SLC39A11: variants seen among roughly 807,000 people sequenced by gnomAD.
The protein encoded by SLC39A11 is zinc transporter ZIP11.
SLC39A11 carries 33 observed loss-of-function variants against 36.1 expected under a neutral mutation model. That is an observed-to-expected ratio of 0.91 (90% CI 0.69 to 1.22). The LOEUF (loss-of-function observed/expected upper bound fraction) is 1.22. Among genes scored for constraint, SLC39A11 ranks in the 50% most tolerant of loss-of-function variants. The pLI, the probability that SLC39A11 is intolerant of heterozygous loss-of-function variation, is 0.00. For missense variants in SLC39A11, 432 were observed against 430.3 expected (o/e 1.00, Z -0.03); for synonymous variants, 166 against 170.3 (o/e 0.97, Z 0.20).
At chr17:72,953,799 T>C (rs1420702939) in intron 4 of SLC39A11, among the ~76,000 whole-genome samples, 3 of 152,188 alleles carry the variant, frequency 2.0e-5, no homozygotes, top group Non-Finnish European at 4.4e-5. Context: ...TTCTGGCTCT[T>C]CCTCACTGGG....
chr17:72,868,635 A>G (rs1157955891), intron 5 of SLC39A11, among the ~76,000 whole-genome samples: 2 of 149,006 alleles, frequency 1.3e-5, no homozygotes, highest in African/African-American at 2.5e-5. Context: ...AAAAAAAAAA[A>G]AAAAAAAAAA....
Position 72,992,939 on chromosome 17 carries a change from G to A in SLC39A11, c.306+38617C>T, listed in dbSNP as rs2089274758. 2.0e-5 allele frequency: 3 copies of A among 152,320 alleles called. No individual in the cohort carries two copies. The South Asian group carries it at 6.2e-4, about 32-fold the overall frequency. The allele number at this position is 152,320 out of a possible 1,614,324, so 9.4% of individuals were successfully genotyped here. A position where few individuals can be genotyped will look rare whatever the true frequency, so the allele number is the denominator to read the frequency against. ...TCACAGTCATGGCAGAAAGCGAAAG[G>A]CACATCTTACATGCTGGCAGACAAG... is the stretch of plus-strand genomic sequence containing the variant. On this transcript the variant is annotated intron_variant, in intron 4 of 9. Coordinates refer to ENST00000255559, the MANE Select transcript of SLC39A11 (RefSeq NM_139177.4).
chr17:73,012,999 A>G (rs369713364), intron 4 of SLC39A11, among the ~76,000 whole-genome samples: 1 of 152,036 alleles, frequency 6.6e-6, no homozygotes, highest in Non-Finnish European at 1.5e-5. Flanking sequence ...GGATTTTACC[A>G]TGTTGGCCAG....
At chr17:72,831,542 T>C (rs1245797181) in intron 6 of SLC39A11, among the ~76,000 whole-genome samples, 2 of 152,186 alleles carry the variant, frequency 1.3e-5, no homozygotes, top group Non-Finnish European at 2.9e-5. Flanking sequence ...AATCACCTAC[T>C]TGGTGATTTT....
intron 6 of SLC39A11, among the ~76,000 whole-genome samples, chr17:72,759,615 AGCCACAT>A (rs1226133106): frequency 4.6e-5 from 7 of 152,238 alleles, no homozygotes; most frequent in Admixed American, 4.6e-4. Flanking sequence ...GGAGGAGATA[AGCCACAT>A]GTTTGGCCAT....
At chr17:72,767,883 G>A (rs893006162) in intron 6 of SLC39A11, among the ~76,000 whole-genome samples, 20 of 152,106 alleles carry the variant, frequency 1.3e-4, no homozygotes, top group African/African-American at 4.8e-4. Flanking sequence ...TAATAGACAC[G>A]AGGCTGGCCA....
intron 7 of SLC39A11, among the ~76,000 whole-genome samples, chr17:72,701,765 A>G (rs1260334167): frequency 1.3e-5 from 2 of 150,702 alleles, no homozygotes; most frequent in African/African-American, 4.9e-5. Flanking sequence ...GAAAGAAAGA[A>G]AGAGAAAGAA....
At chr17:72,982,785 T>C (rs2088425680) in intron 4 of SLC39A11, among the ~76,000 whole-genome samples, 1 of 152,152 alleles carries the variant, frequency 6.6e-6, no homozygotes, top group South Asian at 2.1e-4. Flanking sequence ...TGAACTTTCA[T>C]TAAAATTACA....
chr17:73,007,145 G>A (rs560915952), intron 4 of SLC39A11, among the ~76,000 whole-genome samples: 31 of 152,230 alleles, frequency 2.0e-4, no homozygotes, highest in African/African-American at 6.5e-4. Flanking sequence ...ACACAGGGCC[G>A]GGCGCAGTGG....
intron 6 of SLC39A11, among the ~76,000 whole-genome samples, chr17:72,745,894 T>C (rs1243334657): frequency 1.3e-5 from 2 of 152,178 alleles, no homozygotes; most frequent in South Asian, 2.1e-4. Context: ...ACACAGCCAC[T>C]ACCACCACCA....
At chr17:72,747,720 A>G (rs2074997911) in intron 6 of SLC39A11, among the ~76,000 whole-genome samples, 1 of 152,164 alleles carries the variant, frequency 6.6e-6, no homozygotes, top group African/African-American at 2.4e-5. Context: ...ATAACCCTGC[A>G]TGGCGTGTCT....
intron 3 of SLC39A11, among the ~76,000 whole-genome samples, chr17:73,072,986 C>A (rs2060209588): frequency 6.6e-6 from 1 of 152,182 alleles, no homozygotes; most frequent in Non-Finnish European, 1.5e-5. Context: ...TCAAGACCAG[C>A]CTGGCCAACA....
intron 4 of SLC39A11, among the ~76,000 whole-genome samples, chr17:72,991,682 C>T (rs1360303390): frequency 1.3e-5 from 2 of 152,144 alleles, no homozygotes; most frequent in African/African-American, 4.8e-5. Context: ...TTTTAAATGG[C>T]TACTTAGCCA....
At chr17:72,909,999 A>G (rs1202598306) in intron 5 of SLC39A11, among the ~76,000 whole-genome samples, 2 of 150,640 alleles carry the variant, frequency 1.3e-5, no homozygotes, top group East Asian at 3.9e-4. Flanking sequence ...TGATCCACCC[A>G]CCTCGGCCTC....
intron 6 of SLC39A11, among the ~76,000 whole-genome samples, chr17:72,824,343 C>A (rs1026919769): frequency 6.6e-6 from 1 of 151,316 alleles, no homozygotes; most frequent in African/African-American, 2.4e-5. Context: ...CCTGAGGCCT[C>A]CCCAGCCATG....
chr17:72,656,296 G>C lies in SLC39A11; in HGVS notation c.672-7028C>G, dbSNP rs1302182783. Among the ~76,000 whole-genome samples the C allele has an allele frequency of 1.3e-5, 2 of 152,162 alleles. 1 individual carries two copies. Among genetic ancestry groups the C allele is most frequent in the Admixed American group, 1.3e-4 (2 of 15,280 alleles). Reference sequence around the variant, plus strand: ...TAGTCTGGACCACGACACATTAATGGGAAGGAGAGGGAAGTGGAGATGAAG... The same window carrying C: ...TAGTCTGGACCACGACACATTAATGCGAAGGAGAGGGAAGTGGAGATGAAG... On this transcript the variant is annotated intron_variant, in intron 7 of 9. Transcript: ENST00000255559.
At chr17:72,744,046 A>C (rs140771134) in intron 6 of SLC39A11, among the ~76,000 whole-genome samples, 7 of 152,200 alleles carry the variant, frequency 4.6e-5, no homozygotes, top group African/African-American at 1.7e-4. Flanking sequence ...CCACCTCCCC[A>C]TTGCCCTTGC....
intron 6 of SLC39A11, among the ~76,000 whole-genome samples, chr17:72,820,227 A>T (rs2077720311): frequency 6.6e-6 from 1 of 151,242 alleles, no homozygotes; most frequent in African/African-American, 2.4e-5. Flanking sequence ...TGCCTGTGGG[A>T]AAATGATCTT....
In SLC39A11 at chr17:72,684,217, C is replaced by G. The variant is rs569472896; in HGVS notation, c.672-34949G>C. ...GGTTCCCGTAACCCACTCCCTTGCC[C>G]GGAGGCACCTGGGCTCACCATACCA... On this transcript the variant is annotated intron_variant, in intron 7 of 9. Coordinates refer to ENST00000255559, the MANE Select transcript of SLC39A11 (RefSeq NM_139177.4). Among the ~76,000 whole-genome samples the G allele has an allele frequency of 1.6e-4, 25 of 152,246 alleles. No homozygotes were observed. In the South Asian group the frequency reaches 4.8e-3, roughly 29 times the overall value.
Sources: gnomAD v4.1 joint callset for allele counts (sites outside exome capture counted in the v4.1 genomes callset) on GRCh38, gnomAD v4.1.1 for gene constraint, MANE v1.5 for transcripts, NCBI Gene and HGNC (gene_info 2026-07-23, HGNC 2026-07-21) for gene names.